Variants in LRSAM1 observed in about 807,000 individuals in gnomAD.
LRSAM1 encodes leucine rich repeat and sterile alpha motif containing 1, also known as E3 ubiquitin-protein ligase LRSAM1.
Under a neutral mutation model 118.1 loss-of-function variants are expected in LRSAM1, and 96 were observed. That is an observed-to-expected ratio of 0.81 (90% CI 0.69 to 0.96). LRSAM1 has a LOEUF of 0.96. LRSAM1 is among the 40% of genes least tolerant of loss of function. The probability of loss-of-function intolerance (pLI) is 0.00; values close to 1 mark genes in which losing one functional copy is unlikely to be tolerated. For missense variants in LRSAM1, 804 were observed against 915.5 expected (o/e 0.88, Z 1.57); for synonymous variants, 322 against 364.2 (o/e 0.88, Z 1.32).
chr9:127,467,567 A>C (rs1835004340), intron 9 of LRSAM1, among the ~76,000 whole-genome samples, 173 bp from the exon 10 acceptor site: 1 of 152,206 alleles, frequency 6.6e-6, no homozygotes, highest in African/African-American at 2.4e-5. Flanking sequence ...GCCTACAGTC[A>C]TCCCAGGCAC....
chr9:127,499,628 C>T (rs1836295236), intron 24 of LRSAM1, among the ~76,000 whole-genome samples: 1 of 151,888 alleles, frequency 6.6e-6, no homozygotes, highest in Admixed American at 6.6e-5. Context: ...TTGTAACAGC[C>T]TTTAAAAAAT....
In LRSAM1 at chr9:127,489,533, TG is replaced by T; in HGVS notation, c.1422+19del. ...TCAGGAGCCAGGTGAGCGCTGGGGC[TG>T]GGGTCCCTGGACCTGCTCTCTCAGA... On this transcript the variant is annotated intron_variant, in intron 19 of 25. Transcript: ENST00000300417. The T allele has an allele frequency of 6.3e-7, 1 of 1,598,124 alleles. No homozygotes were observed. The highest frequency in any genetic ancestry group is 1.1e-5 in the South Asian group (1 of 88,356).
chr9:127,496,044 C>T lies in LRSAM1; in HGVS notation c.1779C>T (p.His593=). 6.2e-7 allele frequency: 1 copy of T among 1,612,492 alleles called. No individual in the cohort carries two copies. Among genetic ancestry groups the T allele is most frequent in the Non-Finnish European group, 8.5e-7 (1 of 1,180,016 alleles). The change falls in exon 23 of 26, where the codon CAC becomes CAT. Residue 593 remains histidine, a synonymous_variant. Coordinates refer to ENST00000300417, the MANE Select transcript of LRSAM1 (RefSeq NM_001005373.4). ...ACTACCTGCCCATCTTTGCGCACCA[C>T]CGCCTCTCACTGGACCTGCTGAGCC... is the stretch of plus-strand genomic sequence containing the variant. ...AEHYLPIFAH[H]RLSLDLLSQM...
intron 1 of LRSAM1, 21 bp downstream of exon 1, chr9:127,451,690 C>T: frequency 3.5e-6 from 1 of 284,234 alleles, no homozygotes; most frequent in Non-Finnish European, 6.8e-6. Flanking sequence ...CCCCGGTCCC[C>T]GTCACCCAAT....
intron 16 of LRSAM1, among the ~76,000 whole-genome samples, chr9:127,484,808 T>TC (rs58490422): frequency 0.38 from 53,378 of 140,798 alleles, 11,209 homozygotes; most frequent in Non-Finnish European, 0.48. Flanking sequence ...TTTTCTTTTT[T>TC]TCTTTTTTTT....
intron 13 of LRSAM1, 151 bp downstream of exon 13, chr9:127,479,656 T>C (rs1835460401): frequency 7.3e-7 from 1 of 1,372,722 alleles, no homozygotes; most frequent in Admixed American, 2.0e-5. Context: ...CCCTTACAGA[T>C]CACCCAGCCC....
At chr9:127,500,096 C>T (rs2132124918) in intron 24 of LRSAM1, among the ~76,000 whole-genome samples, 1 of 152,082 alleles carries the variant, frequency 6.6e-6, no homozygotes, top group African/African-American at 2.4e-5. Context: ...CACGTTGGCT[C>T]ACGCCTGTAA....
chr9:127,485,170 GAAT>G (rs1023743221), intron 16 of LRSAM1, among the ~76,000 whole-genome samples: 5 of 152,236 alleles, frequency 3.3e-5, no homozygotes, highest in Non-Finnish European at 7.4e-5. Context: ...TATCAAAATG[GAAT>G]AATATTTCTG....
rs1836465551 is a variant in LRSAM1 at position 127,503,258 on chromosome 9, A to G, written c.*359A>G. 2.9e-6 allele frequency: 1 copy of G among 350,514 alleles called. No homozygotes were observed. Among genetic ancestry groups the G allele is most frequent in the Non-Finnish European group, 5.6e-6 (1 of 179,602 alleles). 21.7% of individuals were successfully genotyped at this position (350,514 alleles called of 1,614,324 possible). A position where few individuals can be genotyped will look rare whatever the true frequency, so the allele number is the denominator to read the frequency against. ...GAGCTTGGGTCCTCATCTGGGGGCC[A>G]TGCACAGGCCCGTCCCACCCTGCAT... On this transcript the variant is annotated 3_prime_UTR_variant, in exon 26 of 26. Coordinates refer to ENST00000300417, the MANE Select transcript of LRSAM1 (RefSeq NM_001005373.4).
At chr9:127,501,656 C>T (rs1249759200) in intron 25 of LRSAM1, among the ~76,000 whole-genome samples, 3 of 152,060 alleles carry the variant, frequency 2.0e-5, no homozygotes, top group East Asian at 1.9e-4. Context: ...CGCTTGAACC[C>T]GGGAGGCAGA....
chr9:127,488,843 G>A (rs913558681), intron 18 of LRSAM1, among the ~76,000 whole-genome samples: 3 of 151,702 alleles, frequency 2.0e-5, no homozygotes, highest in Non-Finnish European at 4.4e-5. Context: ...CTCCTGCCTC[G>A]GCCTCCCAGA....
chr9:127,472,468 C>T (rs1391305981), intron 10 of LRSAM1, among the ~76,000 whole-genome samples: 1 of 151,772 alleles, frequency 6.6e-6, no homozygotes, highest in Non-Finnish European at 1.5e-5. Flanking sequence ...ATGCGGAAAC[C>T]CTGTCTCTAC....
At position 127,459,253 on chromosome 9, in the gene LRSAM1, G is replaced by A. The variant is rs7849608; in HGVS notation, c.321+182G>A. ...TTTTTTTGAGGCAGTGCCTCACTGC[G>A]TTGCCCAGGCTGGGGTGCAGTGGCG... On this transcript the variant is annotated intron_variant, in intron 7 of 25. Coordinates refer to ENST00000300417, the MANE Select transcript of LRSAM1 (RefSeq NM_001005373.4). Among the ~76,000 whole-genome samples, 25,749 of 147,512 alleles carry A rather than the reference G, an allele frequency of 0.17. 2,930 individuals are homozygous for A. Among genetic ancestry groups the A allele is most frequent in the Admixed American group, 0.31 (4,583 of 14,810 alleles).
intron 14 of LRSAM1, 63 bp downstream of exon 14, chr9:127,480,041 G>A (rs1208626258): frequency 7.5e-6 from 12 of 1,610,562 alleles, no homozygotes; most frequent in Admixed American, 6.7e-5. Context: ...CTGAGGAGCC[G>A]GGAGGAGTGT....
At chr9:127,467,868 A>G in intron 10 of LRSAM1, 38 bp downstream of exon 10, 1 of 1,541,522 alleles carries the variant, frequency 6.5e-7, no homozygotes, top group South Asian at 1.2e-5. Context: ...TCATTGAGGA[A>G]CTATGACCCC....
At chr9:127,496,155 C>G in intron 23 of LRSAM1, 60 bp downstream of exon 23, 1 of 1,594,822 alleles carries the variant, frequency 6.3e-7, no homozygotes, top group Admixed American at 1.7e-5. Context: ...CCTGACCAGC[C>G]GGGGGTTGAT....
At chr9:127,478,120 TAATA>T (rs1447671343) in intron 11 of LRSAM1, among the ~76,000 whole-genome samples, 3 of 151,464 alleles carry the variant, frequency 2.0e-5, no homozygotes, top group South Asian at 2.1e-4. Context: ...ATTACATCAA[TAATA>T]AATTAATTAA....
Position 127,455,611 on chromosome 9 carries a change from G to T in LRSAM1, c.165G>T (p.Leu55=). 7.4e-6 allele frequency: 12 copies of T among 1,614,184 alleles called. No homozygotes were observed. The highest frequency in any genetic ancestry group is 1.0e-5 in the Non-Finnish European group (12 of 1,180,024). The change falls in exon 5 of 26, where the codon CTG becomes CTT. Residue 55 remains leucine, a synonymous_variant. Transcript: ENST00000300417. ...PFGAFATCKV[L]QKKVLIVHTN... ...GAGCTTTTGCAACATGCAAAGTTCTGCAGAAGAAGGTAAGATGGAGCTTCA... is the reference window on the plus strand; with the variant it reads ...GAGCTTTTGCAACATGCAAAGTTCTTCAGAAGAAGGTAAGATGGAGCTTCA...
At chr9:127,475,300 G>GGCCAAC in intron 11 of LRSAM1, among the ~76,000 whole-genome samples, 1 of 152,104 alleles carries the variant, frequency 6.6e-6, no homozygotes, top group East Asian at 1.9e-4. Context: ...AGACCAGCTT[G>GGCCAAC]GCCAACGTAG....
Sources: gnomAD v4.1 joint callset for allele counts (sites outside exome capture counted in the v4.1 genomes callset) on GRCh38, gnomAD v4.1.1 for gene constraint, MANE v1.5 for transcripts, NCBI Gene and HGNC (gene_info 2026-07-23, HGNC 2026-07-21) for gene names.